The following SUCLG2 variants were observed in gnomAD, a reference collection of about 807,000 sequenced individuals.
SUCLG2 encodes the protein succinate-CoA ligase GDP-forming subunit beta.
SUCLG2 carries 42 observed loss-of-function variants against 47.9 expected under a neutral mutation model. That is an observed-to-expected ratio of 0.88 (90% CI 0.69 to 1.14). The LOEUF (loss-of-function observed/expected upper bound fraction) is 1.14, where lower values mean the gene tolerates loss of function less well. Among genes scored for constraint, SUCLG2 ranks in the 50% most tolerant of loss-of-function variants. The pLI, the probability that SUCLG2 is intolerant of heterozygous loss-of-function variation, is 0.00. For synonymous variants in SUCLG2, 195 were observed against 197.3 expected (o/e 0.99, Z 0.10); for missense variants, 571 against 525.9 (o/e 1.09, Z -0.84).
At chr3:67,600,223 C>T (rs1291430630) in intron 2 of SUCLG2, among the ~76,000 whole-genome samples, 1 of 152,130 alleles carries the variant, frequency 6.6e-6, no homozygotes, top group Non-Finnish European at 1.5e-5. Flanking sequence ...TAGCTTCACA[C>T]TTGGGTGTTA....
At chr3:67,557,758 A>G (rs189565443) in intron 2 of SUCLG2, among the ~76,000 whole-genome samples, 177 of 152,316 alleles carry the variant, frequency 1.2e-3, no homozygotes, top group Non-Finnish European at 2.1e-3. Context: ...AAAGCAAATG[A>G]ATCAAAATCC....
At chr3:67,389,131 A>G (rs17194748) in intron 10 of SUCLG2, among the ~76,000 whole-genome samples, 8,683 of 152,132 alleles carry the variant, frequency 0.057, 322 homozygotes, top group Middle Eastern at 0.13. Flanking sequence ...CAAAAACCCA[A>G]GCAGAATTGC....
intron 9 of SUCLG2, among the ~76,000 whole-genome samples, chr3:67,493,628 G>A (rs918583937): frequency 6.6e-6 from 1 of 152,078 alleles, no homozygotes; most frequent in African/African-American, 2.4e-5. Flanking sequence ...TCTCTCAGTG[G>A]CTCTCTATTA....
chr3:67,650,694 T>C (rs1452283745), intron 1 of SUCLG2, among the ~76,000 whole-genome samples: 1 of 151,378 alleles, frequency 6.6e-6, no homozygotes, highest in Non-Finnish European at 1.5e-5. Context: ...GAGGAGGAGG[T>C]TGTAGTGAGC....
intron 2 of SUCLG2, among the ~76,000 whole-genome samples, chr3:67,546,401 C>G (rs546975991): frequency 6.6e-6 from 1 of 152,154 alleles, no homozygotes; most frequent in South Asian, 2.1e-4. Context: ...AGGAGGATAC[C>G]CTTTGAAATT....
rs558010326 is a variant in SUCLG2, at chr3:67,520,361, C to T, written c.570+121G>A. On this transcript the variant is annotated intron_variant, in intron 5 of 10. Transcript: ENST00000307227. ...CCCAGAAAGAAAAAGGGCTCAGCAT[C>T]TTCTTACCTTAAATTGTAGAGACAG... The T allele has an allele frequency of 4.9e-6, 7 of 1,427,394 alleles. No individual in the cohort carries two copies. The African/African-American group carries it at 9.9e-5, about 20-fold the overall frequency. 88.4% of individuals were successfully genotyped at this position (1,427,394 alleles called of 1,614,324 possible).
rs1398565400 is a variant in SUCLG2 at position 67,495,892 on chromosome 3, T to C, written c.968A>G (p.Asn323Ser). The C allele has an allele frequency of 1.9e-6, 3 of 1,614,038 alleles. No individual in the cohort carries two copies. The highest frequency in any genetic ancestry group is 2.5e-6 in the Non-Finnish European group (3 of 1,179,976). Residue 323 changes from asparagine (N) to serine (S), a missense_variant, in exon 9 of 11, where the codon AAT (asparagine) becomes AGT (serine). Asn to Ser is a conservative substitution (Grantham distance 46). Coordinates refer to ENST00000307227, the MANE Select transcript of SUCLG2 (RefSeq NM_003848.4). ...CAAGAAGTTGGCTGGCTTCCCACCA[T>C]TAAGGAAAATGATATCACAAGTAGC... is the stretch of plus-strand genomic sequence containing the variant. ...AMATCDIIFL[N>S]GGKPANFLDL...
intron 2 of SUCLG2, among the ~76,000 whole-genome samples, chr3:67,556,990 C>T (rs1323536146): frequency 6.6e-6 from 1 of 152,184 alleles, no homozygotes; most frequent in African/African-American, 2.4e-5. Flanking sequence ...GAGCAGGTTT[C>T]AGAGACATAG....
intron 9 of SUCLG2, among the ~76,000 whole-genome samples, chr3:67,442,073 G>GATCT (rs1187293783): frequency 6.8e-6 from 1 of 146,630 alleles, no homozygotes; most frequent in Admixed American, 6.8e-5. Flanking sequence ...TGCAGTGGCG[G>GATCT]GATCTCAGCT....
chr3:67,471,026 CA>C (rs1704591797), intron 9 of SUCLG2, among the ~76,000 whole-genome samples: 1 of 152,120 alleles, frequency 6.6e-6, no homozygotes, highest in Non-Finnish European at 1.5e-5. Flanking sequence ...AGCAAGAACC[CA>C]CAGGAGCACT....
chr3:67,554,658 G>T (rs1707108649), intron 2 of SUCLG2, among the ~76,000 whole-genome samples: 1 of 152,160 alleles, frequency 6.6e-6, no homozygotes, highest in Non-Finnish European at 1.5e-5. Context: ...ACATAAGAGA[G>T]AGAAGTTTCT....
chr3:67,397,959 C>T (rs1204059515), intron 10 of SUCLG2, among the ~76,000 whole-genome samples: 3 of 150,654 alleles, frequency 2.0e-5, no homozygotes, highest in Admixed American at 2.0e-4. Flanking sequence ...GGAAAACTGG[C>T]TAGCCATATG....
chr3:67,603,839 A>G (rs1419959914), intron 2 of SUCLG2, among the ~76,000 whole-genome samples: 1 of 152,208 alleles, frequency 6.6e-6, no homozygotes, highest in Non-Finnish European at 1.5e-5. Context: ...AGAACTGAAA[A>G]GGTAACATGA....
chr3:67,463,787 G>A (rs892005177), intron 9 of SUCLG2, among the ~76,000 whole-genome samples: 9 of 152,176 alleles, frequency 5.9e-5, no homozygotes, highest in East Asian at 1.9e-4. Context: ...TGCCAGGGCC[G>A]GGGGCCGTCT....
At chr3:67,563,574 C>A (rs1707365055) in intron 2 of SUCLG2, among the ~76,000 whole-genome samples, 1 of 152,162 alleles carries the variant, frequency 6.6e-6, no homozygotes, top group African/African-American at 2.4e-5. Context: ...GTACAGAACA[C>A]AATGTACAAT....
chr3:67,567,644 T>C (rs1707491140), intron 2 of SUCLG2, among the ~76,000 whole-genome samples: 1 of 152,204 alleles, frequency 6.6e-6, no homozygotes, highest in Non-Finnish European at 1.5e-5. Context: ...GCAACCACTA[T>C]ATTCAAGTCC....
At chr3:67,627,129 A>T (rs1006598150) in intron 1 of SUCLG2, among the ~76,000 whole-genome samples, 6 of 151,968 alleles carry the variant, frequency 3.9e-5, no homozygotes, top group African/African-American at 1.5e-4. Flanking sequence ...TGGGAAATAC[A>T]GTTTTATTTT....
intron 1 of SUCLG2, among the ~76,000 whole-genome samples, chr3:67,631,142 C>T (rs1210435001): frequency 6.6e-6 from 1 of 152,188 alleles, no homozygotes; most frequent in Admixed American, 6.5e-5. Flanking sequence ...TGACAGCATT[C>T]AGCAGCCTCC....
chr3:67,418,216 G>C (rs1703077665), intron 9 of SUCLG2, among the ~76,000 whole-genome samples: 1 of 152,158 alleles, frequency 6.6e-6, no homozygotes, highest in Non-Finnish European at 1.5e-5. Flanking sequence ...GATTAAATGA[G>C]ATAATTAAAA....
Sources: gnomAD v4.1 joint callset for allele counts (sites outside exome capture counted in the v4.1 genomes callset) on GRCh38, gnomAD v4.1.1 for gene constraint, MANE v1.5 for transcripts, NCBI Gene and HGNC (gene_info 2026-07-23, HGNC 2026-07-21) for gene names.